KCNH7: variants seen among roughly 807,000 people sequenced by gnomAD.
KCNH7 encodes the protein potassium voltage-gated channel subfamily H member 7.
KCNH7 carries 49 observed loss-of-function variants against 120.8 expected under a neutral mutation model. The ratio of observed to expected loss-of-function variants is 0.41; its 90% CI spans 0.32 to 0.51. The LOEUF (loss-of-function observed/expected upper bound fraction) is 0.51, where lower values mean the gene tolerates loss of function less well. Ranked by LOEUF, KCNH7 falls within the 20% of genes least tolerant of loss-of-function variation. The pLI, the probability that KCNH7 is intolerant of heterozygous loss-of-function variation, is 0.38. For synonymous variants in KCNH7, 547 were observed against 516.1 expected (o/e 1.06, Z -0.81); for missense variants, 1,097 against 1,446.6 (o/e 0.76, Z 3.92).
chr2:162,728,662 T>C (rs1687614171), intron 2 of KCNH7, among the ~76,000 whole-genome samples: 1 of 152,032 alleles, frequency 6.6e-6, no homozygotes, highest in African/African-American at 2.4e-5. Context: ...CCTGTAATCC[T>C]AGCTACTTGC....
chr2:162,659,655 T>C (rs554725683), intron 2 of KCNH7, among the ~76,000 whole-genome samples: 5 of 152,222 alleles, frequency 3.3e-5, no homozygotes, highest in Non-Finnish European at 5.9e-5. Context: ...TAGTGGCATG[T>C]AATTCTTTTC....
At chr2:162,706,771 T>C (rs1686718152) in intron 2 of KCNH7, among the ~76,000 whole-genome samples, 1 of 152,144 alleles carries the variant, frequency 6.6e-6, no homozygotes, top group African/African-American at 2.4e-5. Flanking sequence ...GGAAGAGGCT[T>C]GGCATAATGC....
At chr2:162,799,400 A>G (rs751379154) in intron 2 of KCNH7, among the ~76,000 whole-genome samples, 12 of 151,972 alleles carry the variant, frequency 7.9e-5, no homozygotes, top group Admixed American at 2.0e-4. Flanking sequence ...ACAGTAATAT[A>G]TTCCTTGTGG....
intron 3 of KCNH7, among the ~76,000 whole-genome samples, chr2:162,528,941 T>C (rs192369639): frequency 6.6e-6 from 1 of 152,028 alleles, no homozygotes; most frequent in African/African-American, 2.4e-5. Flanking sequence ...AGAAGTTTAG[T>C]ATCATGCCGA....
At chr2:162,742,389 A>G (rs938858474) in intron 2 of KCNH7, among the ~76,000 whole-genome samples, 1 of 152,098 alleles carries the variant, frequency 6.6e-6, no homozygotes, top group African/African-American at 2.4e-5. Context: ...AAAATAAAAT[A>G]CTTTTTCTTA....
intron 2 of KCNH7, among the ~76,000 whole-genome samples, chr2:162,817,227 AC>A (rs951721376): frequency 6.6e-6 from 1 of 151,698 alleles, no homozygotes; most frequent in Non-Finnish European, 1.5e-5. Context: ...TCAATCCTTA[AC>A]CCCCCGTCCT....
At chr2:162,535,834 A>G (rs368971028) in intron 3 of KCNH7, among the ~76,000 whole-genome samples, 1 of 151,850 alleles carries the variant, frequency 6.6e-6, no homozygotes, top group African/African-American at 2.4e-5. Flanking sequence ...TCAACAGAAC[A>G]GAATAGAAAA....
chr2:162,743,971 G>T (rs773260480), intron 2 of KCNH7, among the ~76,000 whole-genome samples: 10 of 152,000 alleles, frequency 6.6e-5, no homozygotes, highest in Non-Finnish European at 1.0e-4. Flanking sequence ...CTGGTGAAAT[G>T]GATTTATTTC....
intron 2 of KCNH7, among the ~76,000 whole-genome samples, chr2:162,563,271 G>T (rs1693135788): frequency 6.6e-6 from 1 of 152,138 alleles, no homozygotes. Flanking sequence ...TCATATAATG[G>T]CTTATACAAG....
intron 2 of KCNH7, among the ~76,000 whole-genome samples, chr2:162,622,300 C>T (rs1487457551): frequency 1.3e-5 from 2 of 152,220 alleles, no homozygotes; most frequent in East Asian, 1.9e-4. Flanking sequence ...ATGGAGGCTT[C>T]GCTTTTGCGA....
chr2:162,803,175 C>T (rs1209289731), intron 2 of KCNH7, among the ~76,000 whole-genome samples: 1 of 151,706 alleles, frequency 6.6e-6, no homozygotes, highest in Non-Finnish European at 1.5e-5. Context: ...TTACTCTAAA[C>T]TTCTCGATAG....
In KCNH7 at chr2:162,371,970, G is replaced by C; in HGVS notation, c.3450C>G (p.Leu1150=). 1 of 1,613,838 alleles carries C rather than the reference G, an allele frequency of 6.2e-7. No individual in the cohort carries two copies. Among genetic ancestry groups the C allele is most frequent in the South Asian group, 1.1e-5 (1 of 91,068 alleles). ...LTSLLKQDSD[L]SLELHLRQRK... is the part of the protein sequence containing the mutation. ...TTTGCCGCAGGTGAAGCTCTAAAGA[G>C]AGATCACTGTCTTGTTTTAAAAGTG... Residue 1150 remains leucine (L), a synonymous_variant, in exon 16 of 16, where the codon CTC becomes CTG. Transcript: ENST00000332142.
rs181447444 is a variant in KCNH7, at chr2:162,379,399, T to G, written c.3131+454A>C. On this transcript the variant is annotated intron_variant, in intron 14 of 15. Coordinates refer to ENST00000332142, the MANE Select transcript of KCNH7 (RefSeq NM_033272.4). Reference sequence around the variant, plus strand: ...CAAGAAACTCTGTGAGAATTTCAAGTCAATTACATTTTTTGATAAGCTGAC... The same window carrying G: ...CAAGAAACTCTGTGAGAATTTCAAGGCAATTACATTTTTTGATAAGCTGAC... Among the ~76,000 whole-genome samples the G allele has an allele frequency of 2.0e-5, 3 of 152,318 alleles. No individual in the cohort carries two copies. In the East Asian group the frequency reaches 5.8e-4, roughly 29 times the overall value.
intron 5 of KCNH7, 100 bp from the exon 6 acceptor site, chr2:162,504,757 T>A (rs1286775472): frequency 5.4e-6 from 4 of 746,656 alleles, no homozygotes; most frequent in Non-Finnish European, 9.0e-6. Context: ...AATATGATCC[T>A]GATTTGAGTG....
intron 1 of KCNH7, 36 bp from the exon 2 acceptor site, chr2:162,836,803 G>T (rs1685679956): frequency 6.8e-7 from 1 of 1,469,952 alleles, no homozygotes. Context: ...CTTTGAAAAA[G>T]CTTCCACAAT....
At chr2:162,382,358 A>C (rs780108878) in intron 13 of KCNH7, among the ~76,000 whole-genome samples, 3 of 152,098 alleles carry the variant, frequency 2.0e-5, no homozygotes, top group Non-Finnish European at 2.9e-5. Context: ...GAGGAGTTCA[A>C]AGGGGAAATC....
intron 7 of KCNH7, among the ~76,000 whole-genome samples, chr2:162,437,273 T>C (rs1406758522): frequency 6.6e-6 from 1 of 152,146 alleles, no homozygotes; most frequent in African/African-American, 2.4e-5. Flanking sequence ...GTAGTTGACA[T>C]GTATTTATCA....
chr2:162,621,658 T>G (rs570490576), intron 2 of KCNH7, among the ~76,000 whole-genome samples: 29 of 152,326 alleles, frequency 1.9e-4, no homozygotes, highest in Non-Finnish European at 3.7e-4. Flanking sequence ...GTACTTACTC[T>G]GTGCCAGTGT....
intron 6 of KCNH7, among the ~76,000 whole-genome samples, chr2:162,484,262 C>T (rs949508976): frequency 6.6e-6 from 1 of 151,904 alleles, no homozygotes; most frequent in African/African-American, 2.4e-5. Context: ...GAGACACACA[C>T]ACACAGTCTT....
Sources: allele counts gnomAD v4.1 joint callset (sites outside exome capture counted in the v4.1 genomes callset), GRCh38; gene constraint gnomAD v4.1.1; transcripts MANE v1.5; gene names NCBI Gene and HGNC (gene_info 2026-07-23, HGNC 2026-07-21).